Variants in DLC1 observed in about 807,000 individuals in gnomAD.
The protein encoded by DLC1 is rho GTPase-activating protein 7.
Under a neutral mutation model 140.3 loss-of-function variants are expected in DLC1, and 54 were observed. The ratio of observed to expected loss-of-function variants is 0.38; its 90% CI spans 0.31 to 0.48. The LOEUF is 0.48. Ranked by LOEUF, DLC1 falls within the 20% of genes least tolerant of loss-of-function variation. The pLI is 0.96. For synonymous variants in DLC1, 986 were observed against 728.1 expected (o/e 1.35, Z -5.70); for missense variants, 2,536 against 1,907.0 (o/e 1.33, Z -6.14).
At chr8:13,306,550 G>A (rs1246412947) in intron 4 of DLC1, among the ~76,000 whole-genome samples, 2 of 137,280 alleles carry the variant, frequency 1.5e-5, no homozygotes. Flanking sequence ...ATTTGTGTGT[G>A]TGTGTGTTTG....
At position 13,095,136 on chromosome 8, in the gene DLC1, G is replaced by C. The variant is rs746957518; in HGVS notation, c.3277C>G (p.Gln1093Glu). 1.2e-6 allele frequency: 2 copies of C among 1,614,272 alleles called. No homozygotes were observed. Among genetic ancestry groups the C allele is most frequent in the Non-Finnish European group, 1.7e-6 (2 of 1,180,056 alleles). Residue 1093 changes from glutamine to glutamate, a missense_variant, in exon 11 of 18, where the codon CAG becomes GAG. Gln to Glu is a conservative substitution (Grantham distance 29). Coordinates refer to ENST00000276297, the MANE Select transcript of DLC1 (RefSeq NM_182643.3). ...NVQRTGQPLP[Q>E]SIQQAMRYLR... ...TATCGCATGGCCTGCTGGATGCTCT[G>C]AGGCAACGGTTGTCCTGTGCGCTGC...
At chr8:13,344,329 A>G (rs1834215231) in intron 4 of DLC1, among the ~76,000 whole-genome samples, 1 of 152,186 alleles carries the variant, frequency 6.6e-6, no homozygotes, top group Non-Finnish European at 1.5e-5. Context: ...CTTTGTCCCT[A>G]CTAAAAATAC....
At chr8:13,404,206 G>T (rs1238209942) in intron 2 of DLC1, among the ~76,000 whole-genome samples, 1 of 152,160 alleles carries the variant, frequency 6.6e-6, no homozygotes, top group Non-Finnish European at 1.5e-5. Context: ...CAGGAAATGG[G>T]TGGGCTATGG....
intron 1 of DLC1, among the ~76,000 whole-genome samples, chr8:13,525,580 C>T (rs987520255): frequency 1.3e-5 from 2 of 152,124 alleles, no homozygotes; most frequent in African/African-American, 4.8e-5. Flanking sequence ...CATTTCCTAA[C>T]GATTAGTAAT....
chr8:13,481,094 A>C (rs963406446), intron 2 of DLC1, among the ~76,000 whole-genome samples: 8 of 152,152 alleles, frequency 5.3e-5, no homozygotes, highest in Admixed American at 2.0e-4. Context: ...TTGAAATGGA[A>C]AGACAATAAA....
intron 6 of DLC1, among the ~76,000 whole-genome samples, chr8:13,114,499 T>C (rs1279379637): frequency 2.6e-5 from 4 of 152,090 alleles, no homozygotes; most frequent in Admixed American, 6.5e-5. Flanking sequence ...GAAAATGAGA[T>C]GTTAAGAATT....
chr8:13,441,187 T>A (rs289625), intron 2 of DLC1, among the ~76,000 whole-genome samples: 17,181 of 152,100 alleles, frequency 0.11, 1,571 homozygotes, highest in African/African-American at 0.25. Flanking sequence ...CTCAATAAAT[T>A]AGGTATTGAT....
intron 1 of DLC1, among the ~76,000 whole-genome samples, chr8:13,531,816 T>G (rs1290618461): frequency 1.3e-5 from 2 of 152,128 alleles, no homozygotes; most frequent in Non-Finnish European, 2.9e-5. Context: ...CTAAGCAAGA[T>G]GAATCAAAAC....
chr8:13,445,704 T>C (rs1157438527), intron 2 of DLC1, among the ~76,000 whole-genome samples: 1 of 152,170 alleles, frequency 6.6e-6, no homozygotes, highest in Non-Finnish European at 1.5e-5. Context: ...GATATCATCC[T>C]ACCCTGAAGT....
chr8:13,363,272 C>G (rs552063068), intron 4 of DLC1, among the ~76,000 whole-genome samples: 2 of 152,044 alleles, frequency 1.3e-5, no homozygotes, highest in African/African-American at 4.8e-5. Flanking sequence ...AGGGCAGAGT[C>G]ATTGCTTTCT....
At chr8:13,336,880 C>T (rs1334149341) in intron 4 of DLC1, among the ~76,000 whole-genome samples, 4 of 116,230 alleles carry the variant, frequency 3.4e-5, no homozygotes, top group Non-Finnish European at 1.8e-5. Context: ...CACATTAAGA[C>T]TGATGTCAAA....
In DLC1 at chr8:13,100,272, T is replaced by C. The variant is rs749258147; in HGVS notation, c.2065A>G (p.Lys689Glu). ...SHHSKHKAPS[K>E]LGLIISGPIL... The stretch of plus-strand genomic sequence containing the variant: ...GGCCCGCTGATGATCAACCCCAGCT[T>C]TGAGGGCGCTTTGTGCTTGCTGTGA... The change falls in exon 9 of 18, where the codon AAG becomes GAG. Residue 689 changes from lysine (K) to glutamate (E), a missense_variant. Coordinates refer to ENST00000276297, the MANE Select transcript of DLC1 (RefSeq NM_182643.3). 1.2e-6 allele frequency: 2 copies of C among 1,614,114 alleles called. No homozygotes were observed. The highest frequency in any genetic ancestry group is 1.3e-5 in the African/African-American group (1 of 75,054).
intron 5 of DLC1, among the ~76,000 whole-genome samples, chr8:13,205,363 T>C (rs1388067583): frequency 1.3e-5 from 2 of 152,198 alleles, no homozygotes; most frequent in Non-Finnish European, 2.9e-5. Flanking sequence ...TTAACTTAAG[T>C]GGATTAATGC....
rs534643425 is a variant in DLC1 at position 13,291,401 on chromosome 8, G to A, written c.1348+13868C>T. On this transcript the variant is annotated intron_variant, in intron 5 of 17. Coordinates refer to ENST00000276297, the MANE Select transcript of DLC1 (RefSeq NM_182643.3). ...TCAGTGAGTACTGTGATACTAATAT[G>A]TAAATTTATTTCTGTCTGCTCCATG... Among the ~76,000 whole-genome samples, 93 of 152,140 alleles carry A rather than the reference G, an allele frequency of 6.1e-4. 1 individual carries two copies. Among genetic ancestry groups the A allele is most frequent in the Non-Finnish European group, 1.1e-3 (74 of 68,024 alleles).
In DLC1 at chr8:13,479,840, AGAAGAAGAAGAAGAAGAAGAGAAAAAG is replaced by A. The variant is rs1563383529; in HGVS notation, c.1023+19182_1023+19208del. Among the ~76,000 whole-genome samples the A allele has an allele frequency of 1.2e-3, 131 of 113,252 alleles. 9 individuals are homozygous for A. The highest frequency in any genetic ancestry group is 4.1e-3 in the African/African-American group (105 of 25,896). 74.3% of individuals were successfully genotyped at this position (113,252 alleles called of 152,430 possible). A position where few individuals can be genotyped will look rare whatever the true frequency, so the allele number is the denominator to read the frequency against. On this transcript the variant is annotated intron_variant, in intron 2 of 17. Transcript: ENST00000276297. ...AAGAAGAAGAAGAAGAAGAAGAAGA[AGAAGAAGAAGAAGAAGAAGAGAAAAAG>A]AAAGAAAGAAAGAAAGAAAGAAAAA...
At chr8:13,100,878 T>A in intron 8 of DLC1, 108 bp from the exon 9 acceptor site, 1 of 1,173,702 alleles carries the variant, frequency 8.5e-7, no homozygotes, top group Non-Finnish European at 1.1e-6. Context: ...AATTTCCCCC[T>A]TGTACTTCAT....
chr8:13,566,823 C>A, intron 1 of DLC1: 1 of 857,744 alleles, frequency 1.2e-6, no homozygotes, highest in Non-Finnish European at 1.7e-6. Context: ...AGTCACTGCG[C>A]ATGAGCGGCC....
At position 13,204,848 on chromosome 8, in the gene DLC1, T is replaced by C. The variant is rs549811802; in HGVS notation, c.1349-89191A>G. Among the ~76,000 whole-genome samples, 3 of 152,322 alleles carry C rather than the reference T, an allele frequency of 2.0e-5. No homozygotes were observed. In the South Asian group the frequency reaches 6.2e-4, roughly 32 times the overall value. On this transcript the variant is annotated intron_variant, in intron 5 of 17. Coordinates refer to ENST00000276297, the MANE Select transcript of DLC1 (RefSeq NM_182643.3). ...TTTTAAATATTTATGGGAATGCTTG[T>C]GGTCAGATTCCTGCATTGCCTTTAC... is the stretch of plus-strand genomic sequence containing the variant.
chr8:13,176,831 A>G (rs1340879805), intron 5 of DLC1, among the ~76,000 whole-genome samples: 3 of 152,168 alleles, frequency 2.0e-5, no homozygotes, highest in African/African-American at 4.8e-5. Flanking sequence ...TAATCACAAG[A>G]GTCCTTACAT....
Sources: allele counts gnomAD v4.1 joint callset (sites outside exome capture counted in the v4.1 genomes callset), GRCh38; gene constraint gnomAD v4.1.1; transcripts MANE v1.5; gene names NCBI Gene and HGNC (gene_info 2026-07-23, HGNC 2026-07-21).